SHISA9: variants seen among roughly 807,000 people sequenced by gnomAD.
The protein encoded by SHISA9 is shisa family member 9, also known as protein shisa-9.
A neutral mutation model predicts 38.0 loss-of-function variants in SHISA9; 13 were observed. The ratio of observed to expected loss-of-function variants is 0.34; its 90% CI spans 0.22 to 0.54. The LOEUF (loss-of-function observed/expected upper bound fraction) is 0.54. Ranked by LOEUF, SHISA9 falls within the 20% of genes least tolerant of loss-of-function variation. SHISA9 has a pLI of 0.91. For synonymous variants in SHISA9, 275 were observed against 242.0 expected (o/e 1.14, Z -1.27); for missense variants, 538 against 575.8 (o/e 0.93, Z 0.67).
the SHISA9 span, among the ~76,000 whole-genome samples, chr16:13,487,548 T>A: frequency 1.8e-3 from 270 of 152,298 alleles, no homozygotes; most frequent in African/African-American, 6.2e-3. Context: ...GGCCCAAGCC[T>A]TTCATGACGG....
intron 2 of SHISA9, among the ~76,000 whole-genome samples, chr16:13,068,180 G>T (rs777574925): frequency 1.9e-4 from 29 of 152,144 alleles, no homozygotes; most frequent in Non-Finnish European, 3.7e-4. Context: ...TGGTGTGGGT[G>T]TTCTTAAACA....
rs549044659 is a variant in SHISA9, at chr16:13,016,714, C to T, written c.691+99899C>T. The stretch of plus-strand genomic sequence containing the variant: ...TTTTTCTGGCCTATGACTATATTTA[C>T]ATGTAAAATTTTACAAAAGCATTCA... On this transcript the variant is annotated intron_variant, in intron 2 of 4. Coordinates refer to ENST00000558583, the MANE Select transcript of SHISA9 (RefSeq NM_001145204.3). 4.6e-5 allele frequency among the ~76,000 whole-genome samples: 7 copies of T among 152,308 alleles called. No individual in the cohort carries two copies. In the East Asian group the frequency reaches 7.7e-4, roughly 17 times the overall value.
the SHISA9 span, among the ~76,000 whole-genome samples, chr16:13,356,961 G>T: frequency 6.6e-6 from 1 of 152,198 alleles, no homozygotes; most frequent in African/African-American, 2.4e-5. Flanking sequence ...TTTTAGGTCA[G>T]GTGTGAGTTG....
chr16:12,901,955 G>A lies in SHISA9; in HGVS notation c.-110G>A, dbSNP rs2071021346. On this transcript the variant is annotated 5_prime_UTR_variant, in exon 1 of 5. Coordinates refer to ENST00000558583, the MANE Select transcript of SHISA9 (RefSeq NM_001145204.3). ...GCCGCTCCCTGCATGTGCGGCCCGC[G>A]GCGGCTCGCAGCTCCCGGCAGCAGC... 1 of 909,814 alleles carries A rather than the reference G, an allele frequency of 1.1e-6. No individual in the cohort carries two copies. The highest frequency in any genetic ancestry group is 1.5e-6 in the Non-Finnish European group (1 of 686,040). The allele number at this position is 909,814 out of a possible 1,614,324, so 56.4% of individuals were successfully genotyped here. A position where few individuals can be genotyped will look rare whatever the true frequency, so the allele number is the denominator to read the frequency against.
the SHISA9 span, among the ~76,000 whole-genome samples, chr16:13,454,621 AAT>A: frequency 1.3e-5 from 2 of 152,318 alleles, no homozygotes; most frequent in East Asian, 3.9e-4. Context: ...TGGCGATTCA[AAT>A]ATAGGCAGAC....
At chr16:13,076,465 A>T (rs894255423) in intron 2 of SHISA9, among the ~76,000 whole-genome samples, 1 of 152,128 alleles carries the variant, frequency 6.6e-6, no homozygotes, top group Admixed American at 6.6e-5. Flanking sequence ...TAGTTAGCCC[A>T]CTTCCCCCTG....
At chr16:13,412,033 C>T in the SHISA9 span, among the ~76,000 whole-genome samples, 2 of 152,136 alleles carry the variant, frequency 1.3e-5, no homozygotes, top group Non-Finnish European at 2.9e-5. Flanking sequence ...CCATGTCTGG[C>T]CTGGTACACC....
chr16:13,535,651 C>T, the SHISA9 span, among the ~76,000 whole-genome samples: 2 of 152,214 alleles, frequency 1.3e-5, no homozygotes, highest in East Asian at 1.9e-4. Context: ...AAAAAGTTTG[C>T]TGCCCCCTGG....
At chr16:12,902,897 C>T (rs1462775913) in intron 1 of SHISA9, 2 of 391,790 alleles carry the variant, frequency 5.1e-6, no homozygotes, top group Non-Finnish European at 9.0e-6. Flanking sequence ...CTGGCCGCCT[C>T]CTCCCGCTGG....
chr16:13,180,027 C>A (rs2050763926), intron 2 of SHISA9, among the ~76,000 whole-genome samples: 1 of 152,178 alleles, frequency 6.6e-6, no homozygotes, highest in Admixed American at 6.5e-5. Flanking sequence ...GTCTGTGAGG[C>A]AAATGACCTC....
At chr16:13,559,969 C>T in the SHISA9 span, among the ~76,000 whole-genome samples, 1 of 152,168 alleles carries the variant, frequency 6.6e-6, no homozygotes, top group African/African-American at 2.4e-5. Flanking sequence ...TAAAGAGGAA[C>T]TCTGTTTATC....
intron 2 of SHISA9, among the ~76,000 whole-genome samples, chr16:13,106,594 C>G (rs1001482461): frequency 6.6e-6 from 1 of 152,060 alleles, no homozygotes; most frequent in Non-Finnish European, 1.5e-5. Flanking sequence ...TAGGGTTTAC[C>G]TTAATCTCCA....
the SHISA9 span, among the ~76,000 whole-genome samples, chr16:13,330,174 T>C: frequency 1.3e-5 from 2 of 152,236 alleles, no homozygotes; most frequent in Non-Finnish European, 2.9e-5. Context: ...GTTCATCGAC[T>C]TTCTGTTTTC....
intron 2 of SHISA9, among the ~76,000 whole-genome samples, chr16:12,920,976 C>T (rs1238760026): frequency 6.6e-6 from 1 of 152,196 alleles, no homozygotes; most frequent in East Asian, 1.9e-4. Flanking sequence ...ATTACAAAGA[C>T]TTTACTGCCA....
chr16:13,203,332 G>T, intron 2 of SHISA9, 62 bp from the exon 3 acceptor site: 7 of 1,387,892 alleles, frequency 5.0e-6, no homozygotes, highest in Non-Finnish European at 6.6e-6. Flanking sequence ...TGTGGTGATG[G>T]GAGGGAAGGT....
At chr16:13,303,625 G>T in the SHISA9 span, among the ~76,000 whole-genome samples, 2 of 152,312 alleles carry the variant, frequency 1.3e-5, no homozygotes, top group African/African-American at 4.8e-5. Flanking sequence ...CTTAAAGGGT[G>T]CAGGATTCCC....
chr16:13,433,416 C>CTG, the SHISA9 span, among the ~76,000 whole-genome samples: 2 of 152,126 alleles, frequency 1.3e-5, no homozygotes, highest in African/African-American at 4.8e-5. Context: ...GTAGTTAGTG[C>CTG]TGTGTGTGTT....
chr16:13,182,949 C>G (rs1227991387), intron 2 of SHISA9, among the ~76,000 whole-genome samples: 1 of 152,252 alleles, frequency 6.6e-6, no homozygotes, highest in Non-Finnish European at 1.5e-5. Flanking sequence ...GAAGTTGCTT[C>G]TCTTACATGT....
At chr16:13,070,872 C>T (rs1292163921) in intron 2 of SHISA9, among the ~76,000 whole-genome samples, 2 of 152,138 alleles carry the variant, frequency 1.3e-5, no homozygotes, top group Non-Finnish European at 2.9e-5. Flanking sequence ...TCCTCACAGC[C>T]GCCTTCCCTG....
Sources: allele counts gnomAD v4.1 joint callset (sites outside exome capture counted in the v4.1 genomes callset), GRCh38; gene constraint gnomAD v4.1.1; transcripts MANE v1.5; gene names NCBI Gene and HGNC (gene_info 2026-07-23, HGNC 2026-07-21).